The following DR1 variants were observed in gnomAD, a reference collection of about 807,000 sequenced individuals.
DR1 encodes the protein down-regulator of transcription 1, also known as protein Dr1.
Under a neutral mutation model 19.9 loss-of-function variants are expected in DR1, and 7 were observed. The ratio of observed to expected loss-of-function variants is 0.35; its 90% confidence interval spans 0.20 to 0.66. The LOEUF is 0.66. Among genes scored for constraint, DR1 ranks in the 30% least tolerant of loss-of-function variants. The pLI is 0.66. For synonymous variants in DR1, 76 were observed against 72.5 expected (o/e 1.05, Z -0.24); for missense variants, 98 against 203.7 (o/e 0.48, Z 3.16).
chr1:93,346,608 GT>G lies in DR1; in HGVS notation c.-33del. On this transcript the variant is annotated 5_prime_UTR_variant, in exon 1 of 3. Transcript: ENST00000370272. ...TGGAGTAGTGGACCAGAGCTGGGGA[GT>G]TTTTAAAAGCCGGGGCGCGAGAAAC... 6.3e-7 allele frequency: 1 copy of G among 1,583,960 alleles called. No homozygotes were observed. The highest frequency in any genetic ancestry group is 8.7e-7 in the Non-Finnish European group (1 of 1,155,368).
rs193182966 is a variant in DR1 at position 93,369,098 on chromosome 1, C to G, written c.*8459C>G. 8 of 152,042 alleles carry G rather than the reference C, an allele frequency of 5.3e-5. No homozygotes were observed. Among genetic ancestry groups the G allele is most frequent in the African/African-American group, 1.9e-4 (8 of 41,478 alleles). The allele number at this position is 152,042 out of a possible 1,614,324, so 9.4% of individuals were successfully genotyped here. ...ATCCTTGGATTTTGGATTTTGGTAT[C>G]CTTGGGGTATCCTGGAACCAATCCC... On this transcript the variant is annotated 3_prime_UTR_variant, in exon 3 of 3. Coordinates refer to ENST00000370272, the MANE Select transcript of DR1 (RefSeq NM_001938.3).
intron 2 of DR1, among the ~76,000 whole-genome samples, chr1:93,357,287 A>G (rs1666999433): frequency 6.6e-6 from 1 of 152,034 alleles, no homozygotes; most frequent in Non-Finnish European, 1.5e-5. Context: ...GCCTTTAACC[A>G]TATACGGGTC....
rs978898142 is a variant in DR1 at position 93,346,551 on chromosome 1, C to T, written c.-95C>T. 1.0e-5 allele frequency: 11 copies of T among 1,057,490 alleles called. No individual in the cohort carries two copies. Among genetic ancestry groups the T allele is most frequent in the Non-Finnish European group, 1.6e-5 (11 of 709,644 alleles). The allele number at this position is 1,057,490 out of a possible 1,614,324, so 65.5% of individuals were successfully genotyped here. On this transcript the variant is annotated 5_prime_UTR_variant, in exon 1 of 3. Coordinates refer to ENST00000370272, the MANE Select transcript of DR1 (RefSeq NM_001938.3). ...CTTCGCAAAGCACCCCCCGGGATCACTCTCCGAGGGCGACTTTTTGAGAAA... is the reference window on the plus strand; with the variant it reads ...CTTCGCAAAGCACCCCCCGGGATCATTCTCCGAGGGCGACTTTTTGAGAAA...
intron 2 of DR1, among the ~76,000 whole-genome samples, chr1:93,358,425 T>G (rs1441061436): frequency 1.3e-5 from 2 of 152,182 alleles, no homozygotes; most frequent in Non-Finnish European, 2.9e-5. Context: ...GCAACACTTC[T>G]TCACCCTGGT....
chr1:93,357,139 G>C (rs571057278), intron 2 of DR1, among the ~76,000 whole-genome samples: 104 of 152,274 alleles, frequency 6.8e-4, no homozygotes, highest in Non-Finnish European at 1.2e-3. Context: ...TTACAAAAAT[G>C]GATGACAGTC....
intron 2 of DR1, among the ~76,000 whole-genome samples, chr1:93,359,309 G>A (rs1667027578): frequency 1.3e-5 from 2 of 152,090 alleles, no homozygotes; most frequent in African/African-American, 2.4e-5. Flanking sequence ...TGTTCATTCA[G>A]AAAATACTGA....
intron 2 of DR1, among the ~76,000 whole-genome samples, chr1:93,354,284 A>G (rs3767965): frequency 0.025 from 3,795 of 152,212 alleles, 133 homozygotes; most frequent in African/African-American, 0.081. Flanking sequence ...CCAAATACCT[A>G]TTGAAATTTC....
rs1667062184 is a variant in DR1, at chr1:93,362,150, A to T, written c.*1511A>T. On this transcript the variant is annotated 3_prime_UTR_variant, in exon 3 of 3. Coordinates refer to ENST00000370272, the MANE Select transcript of DR1 (RefSeq NM_001938.3). ...GATCATATTTTGCAGTTTTAGTAAA[A>T]GGGAAATATTGTTATACATTTATTA... The T allele has an allele frequency of 6.6e-6, 1 of 152,472 alleles. No homozygotes were observed. Among genetic ancestry groups the T allele is most frequent in the African/African-American group, 2.4e-5 (1 of 41,444 alleles). The allele number at this position is 152,472 out of a possible 1,614,324, so 9.4% of individuals were successfully genotyped here.
chr1:93,348,268 G>A (rs957695639), intron 1 of DR1, among the ~76,000 whole-genome samples: 5 of 151,604 alleles, frequency 3.3e-5, no homozygotes, highest in African/African-American at 1.2e-4. Context: ...TGAAAGCCAA[G>A]TTGTCTATTT....
At chr1:93,352,390 C>T (rs942764380) in intron 1 of DR1, among the ~76,000 whole-genome samples, 2 of 152,128 alleles carry the variant, frequency 1.3e-5, no homozygotes, top group Admixed American at 1.3e-4. Flanking sequence ...ATTTGATATA[C>T]AGAACTTAGA....
intron 1 of DR1, 93 bp downstream of exon 1, chr1:93,346,958 T>C: frequency 8.8e-7 from 1 of 1,138,054 alleles, no homozygotes; most frequent in Non-Finnish European, 1.3e-6. Context: ...CCATTCCTCT[T>C]CCCTGGTAAG....
rs1667128340 is a variant in DR1 at position 93,366,287 on chromosome 1, C to G, written c.*5648C>G. Reference sequence around the variant, plus strand: ...TATGTAAATACCGTATTTTGTTTATCAGTTCATCCATTAATGGACACTGGG... The same window carrying G: ...TATGTAAATACCGTATTTTGTTTATGAGTTCATCCATTAATGGACACTGGG... On this transcript the variant is annotated 3_prime_UTR_variant, in exon 3 of 3. Coordinates refer to ENST00000370272, the MANE Select transcript of DR1 (RefSeq NM_001938.3). The G allele has an allele frequency of 6.6e-6, 1 of 152,150 alleles. No homozygotes were observed. The highest frequency in any genetic ancestry group is 6.5e-5 in the Admixed American group (1 of 15,278). 9.4% of individuals were successfully genotyped at this position (152,150 alleles called of 1,614,324 possible).
intron 1 of DR1, among the ~76,000 whole-genome samples, chr1:93,347,613 G>A (rs1227032336): frequency 6.6e-6 from 1 of 151,560 alleles, no homozygotes; most frequent in Non-Finnish European, 1.5e-5. Context: ...AAATTTCCCC[G>A]TCCTTTCCTG....
Position 93,362,826 on chromosome 1 carries a change from C to CTTTTTTTTTTTTTTTT in DR1, c.*2200_*2215dup, listed in dbSNP as rs55792701. ...GCAATATTTTATTTTTAGGTTTTTT[C>CTTTTTTTTTTTTTTTT]TTTTTTTTTTTTTTTTTTTTTTTTT... On this transcript the variant is annotated 3_prime_UTR_variant, in exon 3 of 3. Coordinates refer to ENST00000370272, the MANE Select transcript of DR1 (RefSeq NM_001938.3). 7.6e-5 allele frequency: 4 copies of CTTTTTTTTTTTTTTTT among 52,848 alleles called. No homozygotes were observed. Among genetic ancestry groups the CTTTTTTTTTTTTTTTT allele is most frequent in the African/African-American group, 1.6e-4 (2 of 12,624 alleles). 3.3% of individuals were successfully genotyped at this position (52,848 alleles called of 1,614,324 possible).
chr1:93,351,841 T>C (rs1463455089), intron 1 of DR1, among the ~76,000 whole-genome samples: 2 of 152,228 alleles, frequency 1.3e-5, no homozygotes, highest in East Asian at 3.8e-4. Flanking sequence ...TTTATAAATA[T>C]GCTTGTCCAG....
chr1:93,359,429 T>C (rs1382871732), intron 2 of DR1, among the ~76,000 whole-genome samples: 1 of 152,112 alleles, frequency 6.6e-6, no homozygotes, highest in Non-Finnish European at 1.5e-5. Flanking sequence ...AGTGGATGGA[T>C]ATGGGAATGC....
chr1:93,360,799 A>G lies in DR1; in HGVS notation c.*160A>G, dbSNP rs1009581231. On this transcript the variant is annotated 3_prime_UTR_variant, in exon 3 of 3. Transcript: ENST00000370272. ...TTAAGTTTCATCTATTGTGTGCTAT[A>G]CATGTAAAAACTGTCTCTTTGAACT... 5.5e-6 allele frequency: 4 copies of G among 726,196 alleles called. No individual in the cohort carries two copies. The highest frequency in any genetic ancestry group is 8.5e-6 in the Non-Finnish European group (4 of 472,122). 45.0% of individuals were successfully genotyped at this position (726,196 alleles called of 1,614,324 possible).
intron 1 of DR1, among the ~76,000 whole-genome samples, chr1:93,350,857 A>G (rs1326014473): frequency 6.6e-6 from 1 of 152,248 alleles, no homozygotes; most frequent in African/African-American, 2.4e-5. Flanking sequence ...GATCCTTAGA[A>G]ATAGGGCCAT....
chr1:93,346,949 C>A, intron 1 of DR1, 84 bp downstream of exon 1: 1 of 1,209,526 alleles, frequency 8.3e-7, no homozygotes, highest in Non-Finnish European at 1.2e-6. Context: ...TCAAAGCCTC[C>A]ATTCCTCTTC....
Sources: allele counts gnomAD v4.1 joint callset (sites outside exome capture counted in the v4.1 genomes callset), GRCh38; gene constraint gnomAD v4.1.1; transcripts MANE v1.5; gene names NCBI Gene and HGNC (gene_info 2026-07-23, HGNC 2026-07-21).